Variants in CSMD1 observed in about 807,000 individuals in gnomAD.
The protein encoded by CSMD1 is CUB and sushi domain-containing protein 1.
Under a neutral mutation model 417.5 loss-of-function variants are expected in CSMD1, and 213 were observed. The ratio of observed to expected loss-of-function variants is 0.51; its 90% CI spans 0.46 to 0.57. The LOEUF (loss-of-function observed/expected upper bound fraction) is 0.57, where lower values mean the gene tolerates loss of function less well. Among genes scored for constraint, CSMD1 ranks in the 20% least tolerant of loss-of-function variants. The pLI is 0.00. For synonymous variants in CSMD1, 2,862 were observed against 1,736.8 expected (o/e 1.65, Z -16.11); for missense variants, 6,923 against 4,529.7 (o/e 1.53, Z -15.17).
At chr8:4,915,571 G>T (rs1351761744) in intron 1 of CSMD1, among the ~76,000 whole-genome samples, 1 of 152,318 alleles carries the variant, frequency 6.6e-6, no homozygotes, top group Admixed American at 6.5e-5. Flanking sequence ...CTGCAGTAGA[G>T]GGCAGGAGCA....
In CSMD1 at chr8:3,943,003, A is replaced by C. The variant is rs182975085; in HGVS notation, c.818+54900T>G. Reference sequence around the variant, plus strand: ...CAGTACGTTACTAAGGGGAGGTCTAAATTATTAAGTTTTATTTTGTTACTC... The same window carrying C: ...CAGTACGTTACTAAGGGGAGGTCTACATTATTAAGTTTTATTTTGTTACTC... On this transcript the variant is annotated intron_variant, in intron 5 of 69. Transcript: ENST00000635120. Among the ~76,000 whole-genome samples the C allele has an allele frequency of 5.4e-3, 818 of 152,188 alleles. 6 individuals carry two copies. The highest frequency in any genetic ancestry group is 0.018 in the African/African-American group (763 of 41,522).
intron 1 of CSMD1, among the ~76,000 whole-genome samples, chr8:4,929,390 T>A (rs1042654014): frequency 6.6e-6 from 1 of 152,154 alleles, no homozygotes; most frequent in African/African-American, 2.4e-5. Context: ...ATTAAAGGAC[T>A]CCTCCTAAAT....
At chr8:3,109,399 C>T (rs963052734) in intron 43 of CSMD1, among the ~76,000 whole-genome samples, 1 of 152,226 alleles carries the variant, frequency 6.6e-6, no homozygotes, top group Non-Finnish European at 1.5e-5. Context: ...ACGGCAGTTT[C>T]ATTGTGGTCA....
chr8:4,833,904 T>A (rs780797329), intron 1 of CSMD1, among the ~76,000 whole-genome samples: 1 of 152,272 alleles, frequency 6.6e-6, no homozygotes, highest in Non-Finnish European at 1.5e-5. Context: ...GTCACTTGGA[T>A]TGGTGTTCAC....
intron 10 of CSMD1, among the ~76,000 whole-genome samples, chr8:3,566,600 C>T (rs565986784): frequency 2.0e-5 from 3 of 151,702 alleles, no homozygotes; most frequent in African/African-American, 7.3e-5. Flanking sequence ...AAAAAAAAAC[C>T]ATTAAAAAGT....
Position 4,829,486 on chromosome 8 carries a change from A to T in CSMD1, c.85+164846T>A, listed in dbSNP as rs111656490. Among the ~76,000 whole-genome samples the T allele has an allele frequency of 3.7e-3, 556 of 152,246 alleles. 7 individuals are homozygous for T. Among genetic ancestry groups the T allele is most frequent in the African/African-American group, 0.013 (523 of 41,534 alleles). ...GCCAGGTGCAGTGGCTAATACCTGT[A>T]ATCTCAGCACTTTACCAGGCTGAGG... On this transcript the variant is annotated intron_variant, in intron 1 of 69. Coordinates refer to ENST00000635120, the MANE Select transcript of CSMD1 (RefSeq NM_033225.6).
At chr8:4,836,424 G>A (rs566092071) in intron 1 of CSMD1, among the ~76,000 whole-genome samples, 3 of 152,284 alleles carry the variant, frequency 2.0e-5, no homozygotes, top group South Asian at 2.1e-4. Context: ...CCAGCCAGGG[G>A]GAAGAGATTT....
intron 4 of CSMD1, among the ~76,000 whole-genome samples, chr8:4,015,023 T>A (rs1314166408): frequency 6.6e-6 from 1 of 152,194 alleles, no homozygotes; most frequent in South Asian, 2.1e-4. Context: ...TTTACTAGAA[T>A]CTAAGACTGA....
intron 2 of CSMD1, among the ~76,000 whole-genome samples, chr8:4,443,230 G>T (rs577211659): frequency 1.3e-5 from 2 of 152,236 alleles, no homozygotes; most frequent in South Asian, 4.1e-4. Flanking sequence ...TGTAATTAAT[G>T]TGTTTTAAGA....
chr8:3,352,195 A>C (rs1808467622), intron 21 of CSMD1, among the ~76,000 whole-genome samples: 1 of 152,190 alleles, frequency 6.6e-6, no homozygotes, highest in Non-Finnish European at 1.5e-5. Flanking sequence ...CTCAGGTGCA[A>C]GACAAATAGG....
intron 23 of CSMD1, among the ~76,000 whole-genome samples, chr8:3,342,512 C>T (rs917883323): frequency 2.0e-5 from 3 of 152,166 alleles, no homozygotes; most frequent in Non-Finnish European, 4.4e-5. Flanking sequence ...AATTACTTAT[C>T]CACACCAAAT....
At chr8:3,797,834 C>G (rs779229663) in intron 5 of CSMD1, among the ~76,000 whole-genome samples, 3 of 151,922 alleles carry the variant, frequency 2.0e-5, no homozygotes, top group Admixed American at 6.6e-5. Context: ...AAAGCACTAA[C>G]GATTGTTCTA....
chr8:3,779,650 T>C (rs1268765516), intron 5 of CSMD1, among the ~76,000 whole-genome samples: 1 of 152,198 alleles, frequency 6.6e-6, no homozygotes, highest in Non-Finnish European at 1.5e-5. Context: ...TTAGGTTACA[T>C]TTATGCAATG....
At position 4,553,201 on chromosome 8, in the gene CSMD1, G is replaced by C. The variant is rs76167864; in HGVS notation, c.302+84141C>G. On this transcript the variant is annotated intron_variant, in intron 2 of 69. Transcript: ENST00000635120. The stretch of plus-strand genomic sequence containing the variant: ...CCTCCCTTTCCCATGTTTCACATGT[G>C]TGTCTGTGGAACTCAGCTCTAAAAT... Among the ~76,000 whole-genome samples, 60 of 152,240 alleles carry C rather than the reference G, an allele frequency of 3.9e-4. 1 individual carries two copies. The East Asian group carries it at 9.1e-3, about 23-fold the overall frequency.
chr8:4,213,880 G>A (rs965376044), intron 3 of CSMD1, among the ~76,000 whole-genome samples: 1 of 152,172 alleles, frequency 6.6e-6, no homozygotes, highest in African/African-American at 2.4e-5. Flanking sequence ...GTGAAGGTGA[G>A]GTCCTACAGA....
intron 3 of CSMD1, among the ~76,000 whole-genome samples, chr8:4,105,540 C>G (rs889296749): frequency 2.0e-5 from 3 of 152,062 alleles, no homozygotes; most frequent in African/African-American, 7.3e-5. Flanking sequence ...TGGATGCAGA[C>G]AATTAAAAAA....
intron 9 of CSMD1, among the ~76,000 whole-genome samples, chr8:3,584,043 T>G (rs1239167120): frequency 6.6e-6 from 1 of 152,156 alleles, no homozygotes; most frequent in Non-Finnish European, 1.5e-5. Flanking sequence ...TTAGGAATTA[T>G]TTCCAGCAGT....
At chr8:4,274,995 A>C (rs139275138) in intron 3 of CSMD1, among the ~76,000 whole-genome samples, 100 of 152,298 alleles carry the variant, frequency 6.6e-4, no homozygotes, top group African/African-American at 2.3e-3. Context: ...GTATAGAATG[A>C]CAGGTATAAA....
At chr8:4,154,531 G>C (rs1796729701) in intron 3 of CSMD1, among the ~76,000 whole-genome samples, 1 of 152,188 alleles carries the variant, frequency 6.6e-6, no homozygotes. Context: ...TGGAGAAAGA[G>C]CAGAAGCCAG....
Sources: allele counts gnomAD v4.1 joint callset (sites outside exome capture counted in the v4.1 genomes callset), GRCh38; gene constraint gnomAD v4.1.1; transcripts MANE v1.5; gene names NCBI Gene and HGNC (gene_info 2026-07-23, HGNC 2026-07-21).